Variants in SCD5 observed in about 807,000 individuals in gnomAD.
The protein encoded by SCD5 is acyl-CoA-desaturase 4.
A neutral mutation model predicts 30.4 loss-of-function variants in SCD5; 20 were observed. The observed-to-expected ratio is 0.66, with a 90% CI of 0.46 to 0.96. SCD5 has a LOEUF of 0.96. Among genes scored for constraint, SCD5 ranks in the 40% least tolerant of loss-of-function variants. The probability of loss-of-function intolerance (pLI) is 0.00; values close to 1 mark genes in which losing one functional copy is unlikely to be tolerated. For synonymous variants in SCD5, 173 were observed against 176.4 expected, an observed-to-expected ratio of 0.98 and a Z score of 0.16; for missense variants, 381 against 443.3, an observed-to-expected ratio of 0.86 and a Z score of 1.26.
At chr4:82,671,879 TCAAA>T (rs1027551201) in intron 3 of SCD5, among the ~76,000 whole-genome samples, 1 of 152,024 alleles carries the variant, frequency 6.6e-6, no homozygotes, top group Non-Finnish European at 1.5e-5. Flanking sequence ...AGACTCTGTC[TCAAA>T]CAAACAAACA....
At chr4:82,732,225 C>T (rs147553941) in intron 1 of SCD5, among the ~76,000 whole-genome samples, 72 of 152,192 alleles carry the variant, frequency 4.7e-4, no homozygotes, top group African/African-American at 1.7e-3. Context: ...CTCAGCCTCC[C>T]GAGTAGCTCA....
chr4:82,641,179 G>A (rs6535361), intron 3 of SCD5, among the ~76,000 whole-genome samples: 91,317 of 147,786 alleles, frequency 0.62, 28,133 homozygotes, highest in Admixed American at 0.71. Flanking sequence ...GCTTGAACAT[G>A]GGAGGCAGAG....
chr4:82,729,188 G>A (rs1720572814), intron 1 of SCD5, among the ~76,000 whole-genome samples: 1 of 152,218 alleles, frequency 6.6e-6, no homozygotes, highest in Non-Finnish European at 1.5e-5. Context: ...GGCATTCCAA[G>A]GGTTTGTGGT....
At chr4:82,663,238 GGAGAAA>G (rs1333422521) in intron 3 of SCD5, among the ~76,000 whole-genome samples, 2 of 152,196 alleles carry the variant, frequency 1.3e-5, no homozygotes, top group Admixed American at 1.3e-4. Flanking sequence ...GTCAAAGCAA[GGAGAAA>G]GAGATGGCTA....
chr4:82,725,755 A>G (rs1720455437), intron 1 of SCD5, among the ~76,000 whole-genome samples: 2 of 151,986 alleles, frequency 1.3e-5, no homozygotes, highest in African/African-American at 4.8e-5. Flanking sequence ...AGCTACCCAG[A>G]AGGCTGAGGT....
At chr4:82,724,382 T>G (rs7687215) in intron 1 of SCD5, among the ~76,000 whole-genome samples, 2 of 151,968 alleles carry the variant, frequency 1.3e-5, no homozygotes, top group Non-Finnish European at 2.9e-5. Context: ...TTTGGGAGGC[T>G]GAGGCAGGAG....
chr4:82,659,780 G>A (rs1727943880), intron 3 of SCD5: 1 of 152,084 alleles, frequency 6.6e-6, no homozygotes, highest in African/African-American at 2.4e-5. Context: ...GTGTGATGTG[G>A]TGTTGAGAAG....
intron 3 of SCD5, among the ~76,000 whole-genome samples, chr4:82,669,777 T>C (rs1728268961): frequency 6.6e-6 from 1 of 152,222 alleles, no homozygotes; most frequent in South Asian, 2.1e-4. Context: ...CAGAGTATTC[T>C]GTTCTTAACA....
chr4:82,641,111 C>T (rs1457814294), intron 3 of SCD5, among the ~76,000 whole-genome samples: 3 of 151,868 alleles, frequency 2.0e-5, no homozygotes, highest in Admixed American at 6.6e-5. Flanking sequence ...TGAACAAGGC[C>T]GGGCGTGGTG....
intron 3 of SCD5, among the ~76,000 whole-genome samples, chr4:82,680,446 C>T (rs556999664): frequency 1.3e-4 from 20 of 152,080 alleles, no homozygotes; most frequent in Non-Finnish European, 2.5e-4. Flanking sequence ...ATCAGCCATG[C>T]AAGATTAGTT....
intron 1 of SCD5, among the ~76,000 whole-genome samples, chr4:82,763,128 A>G (rs1721414786): frequency 6.6e-6 from 1 of 152,214 alleles, no homozygotes; most frequent in Non-Finnish European, 1.5e-5. Context: ...TTGTGGGCTG[A>G]ACCGTGTTCC....
At chr4:82,727,230 A>AG (rs1446934281) in intron 1 of SCD5, among the ~76,000 whole-genome samples, 1 of 152,208 alleles carries the variant, frequency 6.6e-6, no homozygotes, top group Admixed American at 6.5e-5. Context: ...GCAGTGGACA[A>AG]GGCCTTGGTC....
chr4:82,639,870 G>C (rs1347310936), intron 3 of SCD5, among the ~76,000 whole-genome samples: 1 of 152,214 alleles, frequency 6.6e-6, no homozygotes, highest in African/African-American at 2.4e-5. Context: ...GCCTCTCCCA[G>C]TCCTGCTCTG....
At chr4:82,797,804 C>G (rs1222756804) in intron 1 of SCD5, among the ~76,000 whole-genome samples, 1 of 152,168 alleles carries the variant, frequency 6.6e-6, no homozygotes, top group Non-Finnish European at 1.5e-5. Context: ...TGTGCCGGGT[C>G]TCTCCTCCCC....
chr4:82,712,219 T>C (rs568807178), intron 1 of SCD5, among the ~76,000 whole-genome samples: 5 of 122,610 alleles, frequency 4.1e-5, no homozygotes, highest in East Asian at 2.4e-4. Flanking sequence ...TCTGACTCAA[T>C]AGGTCTGGGG....
intron 2 of SCD5, chr4:82,698,061 T>C: frequency 2.2e-6 from 1 of 456,606 alleles, no homozygotes; most frequent in Non-Finnish European, 4.4e-6. Context: ...GGCATCTGGG[T>C]CAGGACCACT....
chr4:82,711,701 G>A (rs1279053627), intron 1 of SCD5, among the ~76,000 whole-genome samples: 2 of 122,344 alleles, frequency 1.6e-5, no homozygotes, highest in Non-Finnish European at 3.5e-5. Flanking sequence ...GTAAGACCTT[G>A]TCTTAAAAAA....
chr4:82,649,180 G>GGTGT lies in SCD5; in HGVS notation c.570-12361_570-12358dup, dbSNP rs55991339. On this transcript the variant is annotated intron_variant, in intron 3 of 4. Transcript: ENST00000319540. Reference sequence around the variant, plus strand: ...TCTCCAGCATAAATAGGGTGAGAGGGGTGTGTGTGTGTGTGTGTGTGTGTG... The same window carrying GGTGT: ...TCTCCAGCATAAATAGGGTGAGAGGGGTGTGTGTGTGTGTGTGTGTGTGTGTGTG... 3.3e-3 allele frequency among the ~76,000 whole-genome samples: 476 copies of GGTGT among 144,108 alleles called. 5 individuals are homozygous for GGTGT. The highest frequency in any genetic ancestry group is 7.4e-3 in the Admixed American group (106 of 14,310). The allele number at this position is 144,108 out of a possible 152,430, so 94.5% of individuals were successfully genotyped here. A position where few individuals can be genotyped will look rare whatever the true frequency, so the allele number is the denominator to read the frequency against.
chr4:82,786,811 A>AAG lies in SCD5; in HGVS notation c.232+11494_232+11495insCT, dbSNP rs33989805. On this transcript the variant is annotated intron_variant, in intron 1 of 4. Coordinates refer to ENST00000319540, the MANE Select transcript of SCD5 (RefSeq NM_001037582.3). The stretch of plus-strand genomic sequence containing the variant: ...TTGCCTTAAAAAAAAAAAAAAAAAA[A>AAG]CAAGGCAATCTTCAAAAACTTCCCA... 6.6e-5 allele frequency among the ~76,000 whole-genome samples: 10 copies of AAG among 150,504 alleles called. No homozygotes were observed. In the East Asian group the frequency reaches 1.8e-3, roughly 26 times the overall value.
Sources: allele counts gnomAD v4.1 joint callset (sites outside exome capture counted in the v4.1 genomes callset), GRCh38; gene constraint gnomAD v4.1.1; transcripts MANE v1.5; gene names NCBI Gene and HGNC (gene_info 2026-07-23, HGNC 2026-07-21).